AFG2B: variants seen among roughly 807,000 people sequenced by gnomAD.
The protein encoded by AFG2B is ATPase family gene 2 protein homolog B.
At chr15:45,412,319 T>G in the AFG2B span, among the ~76,000 whole-genome samples, 2 of 152,110 alleles carry the variant, frequency 1.3e-5, no homozygotes, top group Non-Finnish European at 2.9e-5. Context: ...GAGAATCGCT[T>G]CAACCTAAGA....
chr15:45,410,522 T>G, the AFG2B span: 2 of 1,606,428 alleles, frequency 1.2e-6, no homozygotes, highest in Non-Finnish European at 1.7e-6. Context: ...AAAACTGAAG[T>G]TAAAACAGGT....
chr15:45,416,308 A>G, the AFG2B span, among the ~76,000 whole-genome samples: 2 of 152,238 alleles, frequency 1.3e-5, no homozygotes, highest in Non-Finnish European at 2.9e-5. Context: ...ATTATTTCCA[A>G]TAGTCTTAGT....
At chr15:45,406,728 A>G in the AFG2B span, among the ~76,000 whole-genome samples, 1 of 152,346 alleles carries the variant, frequency 6.6e-6, no homozygotes, top group Middle Eastern at 3.4e-3. Flanking sequence ...TTGTCTTTTC[A>G]TCTTAAACTG....
At chr15:45,409,904 T>C in the AFG2B span, among the ~76,000 whole-genome samples, 3 of 152,138 alleles carry the variant, frequency 2.0e-5, no homozygotes, top group Non-Finnish European at 2.9e-5. Context: ...ACAAAGACTT[T>C]TTCAGTTGCA....
chr15:45,403,608 G>A, the AFG2B span: 1 of 1,528,060 alleles, frequency 6.5e-7, no homozygotes, highest in Non-Finnish European at 8.7e-7. Flanking sequence ...TTGCCTCTTA[G>A]GTTTGAGCAT....
At chr15:45,408,840 C>G in the AFG2B span, among the ~76,000 whole-genome samples, 31 of 152,126 alleles carry the variant, frequency 2.0e-4, no homozygotes, top group Admixed American at 2.0e-3. Flanking sequence ...GCTGTTGCCT[C>G]AATGCCACTG....
the AFG2B span, among the ~76,000 whole-genome samples, chr15:45,408,365 TTC>T: frequency 1.1e-4 from 17 of 151,904 alleles, no homozygotes; most frequent in Non-Finnish European, 2.4e-4. Flanking sequence ...CCTCTTCTCT[TTC>T]TCTCTCTCTC....
the AFG2B span, chr15:45,410,354 T>A: frequency 3.7e-6 from 6 of 1,602,122 alleles, no homozygotes; most frequent in Non-Finnish European, 5.1e-6. Flanking sequence ...TTTTGCTTTT[T>A]TGGGTGTATT....
the AFG2B span, chr15:45,415,516 G>T: frequency 1.6e-6 from 2 of 1,262,052 alleles, no homozygotes; most frequent in Non-Finnish European, 1.1e-6. Context: ...AAAAAAACAG[G>T]ATTATAAATA....
the AFG2B span, chr15:45,421,196 G>C: frequency 6.2e-7 from 1 of 1,600,702 alleles, no homozygotes; most frequent in Non-Finnish European, 8.5e-7. Context: ...ATTTTCTAAC[G>C]TGGAAGGTAT....
the AFG2B span, among the ~76,000 whole-genome samples, chr15:45,415,210 A>G: frequency 1.1e-4 from 16 of 152,184 alleles, no homozygotes; most frequent in Admixed American, 3.3e-4. Context: ...AAAATTATAA[A>G]TAGTGGCCAG....
At chr15:45,415,536 C>CATGACTA in the AFG2B span, 1 of 1,353,870 alleles carries the variant, frequency 7.4e-7, no homozygotes, top group Non-Finnish European at 1.0e-6. Context: ...AGTAATATCA[C>CATGACTA]ATGACTAATG....
chr15:45,402,358 T>A, the AFG2B span: 3 of 1,543,600 alleles, frequency 1.9e-6, no homozygotes, highest in African/African-American at 4.3e-5. Flanking sequence ...GCCTGCGAGC[T>A]CGGTGTTCCG....
At chr15:45,409,066 T>C in the AFG2B span, among the ~76,000 whole-genome samples, 1 of 152,160 alleles carries the variant, frequency 6.6e-6, no homozygotes, top group Non-Finnish European at 1.5e-5. Context: ...TCCTGTCATA[T>C]TGGCAGACAT....
the AFG2B span, among the ~76,000 whole-genome samples, chr15:45,409,998 T>C: frequency 1.3e-5 from 2 of 152,210 alleles, no homozygotes; most frequent in East Asian, 1.9e-4. Context: ...TAGTGTATTA[T>C]GGAATTGTCA....
At chr15:45,402,619 C>T in the AFG2B span, 4 of 1,576,742 alleles carry the variant, frequency 2.5e-6, no homozygotes, top group Non-Finnish European at 3.4e-6. Context: ...TGCCTGGCCT[C>T]GGCGGGACGG....
the AFG2B span, chr15:45,402,430 A>C: frequency 1.2e-6 from 2 of 1,600,834 alleles, no homozygotes; most frequent in Non-Finnish European, 1.7e-6. Flanking sequence ...TCTGTGTGCG[A>C]TGGCTCCGGA....
chr15:45,403,443 C>A, the AFG2B span: 1 of 1,608,862 alleles, frequency 6.2e-7, no homozygotes, highest in Admixed American at 1.7e-5. Flanking sequence ...ACCGCGAGGT[C>A]GTGGTTGTGG....
chr15:45,420,022 CAAA>C, the AFG2B span, among the ~76,000 whole-genome samples: 1 of 78,540 alleles, frequency 1.3e-5, no homozygotes, highest in Non-Finnish European at 2.6e-5. Context: ...AAACAAAAAA[CAAA>C]ACAAAAGGGA....
Sources: allele counts gnomAD v4.1 joint callset (sites outside exome capture counted in the v4.1 genomes callset), GRCh38; gene constraint gnomAD v4.1.1; transcripts MANE v1.5; gene names NCBI Gene and HGNC (gene_info 2026-07-23, HGNC 2026-07-21).